RBFOX1: variants seen among roughly 807,000 people sequenced by gnomAD.
RBFOX1 encodes RNA binding protein fox-1 homolog 1.
Under a neutral mutation model 57.7 loss-of-function variants are expected in RBFOX1, and 8 were observed. The ratio of observed to expected loss-of-function variants is 0.14; its 90% CI spans 0.08 to 0.25. RBFOX1 has a LOEUF of 0.25. Ranked by LOEUF, RBFOX1 falls within the 10% of genes least tolerant of loss-of-function variation. The pLI is 1.00. For missense variants in RBFOX1, 611 were observed against 548.5 expected, an observed-to-expected ratio of 1.11 and a Z score of -1.14; for synonymous variants, 326 against 222.4, an observed-to-expected ratio of 1.47 and a Z score of -4.15.
At chr16:7,504,768 TA>T (rs2072531910) in intron 4 of RBFOX1, among the ~76,000 whole-genome samples, 3 of 12,162 alleles carry the variant, frequency 2.5e-4, no homozygotes, top group Non-Finnish European at 8.6e-4. Context: ...TATATATATA[TA>T]TTTATATATA....
intron 2 of RBFOX1, among the ~76,000 whole-genome samples, chr16:6,340,129 C>T (rs954742766): frequency 6.6e-6 from 1 of 152,070 alleles, no homozygotes; most frequent in African/African-American, 2.4e-5. Flanking sequence ...TAATTATGAC[C>T]ATATTTCTGC....
At chr16:6,832,201 G>C (rs879337610) in intron 3 of RBFOX1, among the ~76,000 whole-genome samples, 1 of 152,132 alleles carries the variant, frequency 6.6e-6, no homozygotes, top group Non-Finnish European at 1.5e-5. Context: ...TTGTATGTGA[G>C]GAGCCCAAGT....
intron 3 of RBFOX1, among the ~76,000 whole-genome samples, chr16:6,810,953 C>G (rs2088384797): frequency 6.6e-6 from 1 of 152,082 alleles, no homozygotes; most frequent in Non-Finnish European, 1.5e-5. Context: ...CAACCATACA[C>G]GTAACAGATA....
At chr16:7,551,422 G>T (rs559323075) in intron 5 of RBFOX1, among the ~76,000 whole-genome samples, 3 of 152,218 alleles carry the variant, frequency 2.0e-5, no homozygotes, top group African/African-American at 7.2e-5. Context: ...ACAAGGGGTG[G>T]GGGCCCAAAT....
intron 4 of RBFOX1, among the ~76,000 whole-genome samples, chr16:7,145,177 C>A (rs1451007652): frequency 6.6e-6 from 1 of 152,044 alleles, no homozygotes; most frequent in East Asian, 1.9e-4. Flanking sequence ...TTCTTTACCC[C>A]CTACCCTTTT....
intron 5 of RBFOX1, among the ~76,000 whole-genome samples, chr16:7,532,515 C>T (rs766638920): frequency 1.8e-4 from 28 of 152,194 alleles, no homozygotes; most frequent in Non-Finnish European, 2.8e-4. Context: ...GAGTTGGATG[C>T]GCACCCTGGA....
intron 1 of RBFOX1, among the ~76,000 whole-genome samples, chr16:5,366,879 C>CACCTTCACCCTTAAAG (rs2065731698): frequency 6.6e-6 from 1 of 152,194 alleles, no homozygotes; most frequent in Non-Finnish European, 1.5e-5. Context: ...GATGGAGCTT[C>CACCTTCACCCTTAAAG]ACCCTTTGCT....
intron 3 of RBFOX1, among the ~76,000 whole-genome samples, chr16:6,858,162 A>G (rs1395352382): frequency 6.6e-6 from 1 of 152,184 alleles, no homozygotes; most frequent in Non-Finnish European, 1.5e-5. Flanking sequence ...TTAATATTTG[A>G]AGGAAGAAAT....
chr16:6,370,902 A>T (rs1274939872), intron 2 of RBFOX1, among the ~76,000 whole-genome samples: 1 of 152,232 alleles, frequency 6.6e-6, no homozygotes, highest in Non-Finnish European at 1.5e-5. Flanking sequence ...ATATAATGTC[A>T]ATTAAAATAA....
chr16:6,676,133 C>A (rs2057609117), intron 3 of RBFOX1, among the ~76,000 whole-genome samples: 3 of 17,686 alleles, frequency 1.7e-4, no homozygotes, highest in Admixed American at 1.6e-3. Context: ...AGGGGACACA[C>A]ACACACGCGC....
At position 6,202,408 on chromosome 16, in the gene RBFOX1, G is replaced by C. The variant is rs375329609; in HGVS notation, c.-126-114587G>C. ...CATGGCAGCTTTAAAGGTGCTTTGA[G>C]GTTATTCAATCCATCTTCTTTCTTT... On this transcript the variant is annotated intron_variant, in intron 1 of 15. Transcript: ENST00000550418. Among the ~76,000 whole-genome samples the C allele has an allele frequency of 2.0e-4, 30 of 152,234 alleles. No individual in the cohort carries two copies. In the East Asian group the frequency reaches 5.4e-3, roughly 27 times the overall value.
chr16:5,912,554 C>T (rs1052632855), intron 4 of RBFOX1, among the ~76,000 whole-genome samples: 17 of 152,178 alleles, frequency 1.1e-4, no homozygotes, highest in African/African-American at 3.9e-4. Context: ...ATGCCAAAGT[C>T]ATTTTCCTAC....
At chr16:6,614,755 G>C (rs1031857301) in intron 2 of RBFOX1, among the ~76,000 whole-genome samples, 8 of 152,064 alleles carry the variant, frequency 5.3e-5, no homozygotes, top group Non-Finnish European at 7.4e-5. Context: ...TTTTCCATCT[G>C]TCTCTGACTT....
At chr16:6,259,475 G>C (rs1308820298) in intron 1 of RBFOX1, among the ~76,000 whole-genome samples, 4 of 152,154 alleles carry the variant, frequency 2.6e-5, no homozygotes, top group East Asian at 1.9e-4. Context: ...AAATAAACTT[G>C]TGCAAGAACT....
intron 4 of RBFOX1, among the ~76,000 whole-genome samples, chr16:7,493,311 C>T (rs1567488192): frequency 2.6e-5 from 4 of 152,274 alleles, no homozygotes; most frequent in Admixed American, 6.5e-5. Flanking sequence ...TTAGACAGTA[C>T]AGATATGGAA....
intron 4 of RBFOX1, among the ~76,000 whole-genome samples, chr16:5,904,403 C>G (rs183126570): frequency 2.0e-5 from 3 of 152,034 alleles, no homozygotes; most frequent in Admixed American, 2.0e-4. Context: ...CGTTTTGTCT[C>G]AGGGCATTAT....
intron 2 of RBFOX1, among the ~76,000 whole-genome samples, chr16:6,508,566 G>A (rs2096172767): frequency 6.6e-6 from 1 of 152,086 alleles, no homozygotes; most frequent in Non-Finnish European, 1.5e-5. Flanking sequence ...TTGTCTATAA[G>A]GTCCCGTAAC....
chr16:7,413,565 A>G (rs929145454), intron 4 of RBFOX1, among the ~76,000 whole-genome samples: 9 of 151,660 alleles, frequency 5.9e-5, no homozygotes, highest in Non-Finnish European at 1.0e-4. Flanking sequence ...CCATTCCGCC[A>G]TAGATTCCAC....
intron 3 of RBFOX1, among the ~76,000 whole-genome samples, chr16:5,607,390 A>T (rs1197143787): frequency 6.8e-6 from 1 of 148,028 alleles, no homozygotes; most frequent in Non-Finnish European, 1.5e-5. Context: ...TCTTGACCTC[A>T]GGCACAGATA....
Sources: gnomAD v4.1 joint callset for allele counts (sites outside exome capture counted in the v4.1 genomes callset) on GRCh38, gnomAD v4.1.1 for gene constraint, MANE v1.5 for transcripts, NCBI Gene and HGNC (gene_info 2026-07-23, HGNC 2026-07-21) for gene names.